PEX13: variants seen among roughly 807,000 people sequenced by gnomAD.
PEX13 encodes peroxisomal biogenesis factor 13, also known as peroxisome biogenesis factor 13.
In PEX13, 28 loss-of-function variants were observed where a neutral mutation model predicts 34.5. The observed-to-expected ratio is 0.81, with a 90% CI of 0.60 to 1.11. The LOEUF is 1.11. Ranked by LOEUF, PEX13 falls within the 50% of genes most tolerant of loss-of-function variation. The pLI, the probability that PEX13 is intolerant of heterozygous loss-of-function variation, is 0.00. For synonymous variants in PEX13, 177 were observed against 175.1 expected (o/e 1.01, Z -0.09); for missense variants, 550 against 491.0 (o/e 1.12, Z -1.13).
intron 3 of PEX13, among the ~76,000 whole-genome samples, chr2:61,047,031 G>C (rs1483073640): frequency 3.3e-5 from 5 of 151,814 alleles, no homozygotes; most frequent in Admixed American, 3.3e-4. Context: ...TGAGGCTGTA[G>C]TACATTGTAA....
chr2:61,050,159 T>A lies in PEX13; in HGVS notation c.*1389T>A, dbSNP rs1312469703. 2.6e-5 allele frequency: 4 copies of A among 152,312 alleles called. No homozygotes were observed. Among genetic ancestry groups the A allele is most frequent in the African/African-American group, 7.2e-5 (3 of 41,418 alleles). 9.4% of individuals were successfully genotyped at this position (152,312 alleles called of 1,614,324 possible). ...GGGAGGCCAAGGCGGGCGGATCACC[T>A]GCGGTCAGGAGTTTGAGACCAGCCT... On this transcript the variant is annotated 3_prime_UTR_variant, in exon 4 of 4. Transcript: ENST00000295030.
intron 2 of PEX13, among the ~76,000 whole-genome samples, chr2:61,034,216 C>T (rs945646351): frequency 1.3e-5 from 2 of 152,126 alleles, no homozygotes; most frequent in African/African-American, 4.8e-5. Flanking sequence ...AGACTGGTCT[C>T]AAACTCCTGA....
rs150508024 is a variant in PEX13, at chr2:61,044,614, G to A, written c.788-1112G>A. Among the ~76,000 whole-genome samples the A allele has an allele frequency of 5.6e-3, 850 of 152,086 alleles. 7 individuals carry two copies. The highest frequency in any genetic ancestry group is 0.02 in the African/African-American group (810 of 41,474). ...TTGGTCAGGCTGGTCTCAAACTCCC[G>A]ACCTCAGGAGATCCACCCGCCTCGG... is the stretch of plus-strand genomic sequence containing the variant. On this transcript the variant is annotated intron_variant, in intron 2 of 3. Transcript: ENST00000295030.
intron 1 of PEX13, among the ~76,000 whole-genome samples, chr2:61,029,843 AC>A: frequency 6.6e-6 from 1 of 152,118 alleles, no homozygotes; most frequent in South Asian, 2.1e-4. Flanking sequence ...AAAAAAAAAA[AC>A]TGCATCTGTA....
intron 1 of PEX13, among the ~76,000 whole-genome samples, chr2:61,029,531 CAAG>C (rs1347286205): frequency 2.0e-5 from 3 of 151,990 alleles, no homozygotes; most frequent in Non-Finnish European, 4.4e-5. Flanking sequence ...TTGTAATAGC[CAAG>C]AAGTAAAAAC....
chr2:61,022,664 T>G (rs560770030), intron 1 of PEX13, among the ~76,000 whole-genome samples: 1 of 152,284 alleles, frequency 6.6e-6, no homozygotes, highest in South Asian at 2.1e-4. Context: ...AGGCCAGAAG[T>G]TCAAGACTAG....
chr2:61,029,074 G>A (rs1180427978), intron 1 of PEX13, among the ~76,000 whole-genome samples: 4 of 150,800 alleles, frequency 2.7e-5, no homozygotes, highest in Non-Finnish European at 5.9e-5. Flanking sequence ...TGAGGCAGAA[G>A]GATTACTTGA....
Position 61,017,737 on chromosome 2 carries a change from GGAGCC to G in PEX13, c.-19_-15del. ...GCCTGGACAGTCAGGGGTAGGAGCG[GGAGCC>G]GAGAGGAGGCGGAGGAGATGGCGTC... On this transcript the variant is annotated 5_prime_UTR_variant, in exon 1 of 4. Transcript: ENST00000295030. 6.5e-7 allele frequency: 1 copy of G among 1,544,190 alleles called. No individual in the cohort carries two copies. Among genetic ancestry groups the G allele is most frequent in the Non-Finnish European group, 8.8e-7 (1 of 1,142,524 alleles).
chr2:61,030,616 A>G (rs1179269555), intron 1 of PEX13, among the ~76,000 whole-genome samples: 1 of 152,214 alleles, frequency 6.6e-6, no homozygotes, highest in Non-Finnish European at 1.5e-5. Flanking sequence ...GCTGTTGGCC[A>G]TGAGTTGTTA....
Position 61,031,837 on chromosome 2 carries a change from T to C in PEX13, c.511T>C (p.Leu171=). Residue 171 remains leucine (L), a synonymous_variant, in exon 2 of 4, where the codon TTG becomes CTG. Transcript: ENST00000295030. The stretch of plus-strand genomic sequence containing the variant: ...GGATGTAGCAAATCACTTTTCCCGA[T>C]TGAAAATACACTTTACAAAAGTGTT... The part of the protein sequence containing the change: ...VLDVANHFSR[L]KIHFTKVFSA... 1.9e-6 allele frequency: 3 copies of C among 1,613,558 alleles called. No individual in the cohort carries two copies. Among genetic ancestry groups the C allele is most frequent in the African/African-American group, 2.7e-5 (2 of 75,058 alleles).
At chr2:61,018,328 G>A (rs886313830) in intron 1 of PEX13, 1 of 1,533,064 alleles carries the variant, frequency 6.5e-7, no homozygotes, top group Non-Finnish European at 8.8e-7. Context: ...CTCAAGCCCC[G>A]TACACTTTGC....
At chr2:61,040,223 G>A (rs1301429855) in intron 2 of PEX13, among the ~76,000 whole-genome samples, 1 of 152,036 alleles carries the variant, frequency 6.6e-6, no homozygotes, top group Non-Finnish European at 1.5e-5. Context: ...TTGACCCAGT[G>A]ATCCCTTACT....
At chr2:61,035,162 T>C (rs1018697688) in intron 2 of PEX13, among the ~76,000 whole-genome samples, 1 of 152,200 alleles carries the variant, frequency 6.6e-6, no homozygotes, top group African/African-American at 2.4e-5. Context: ...CAGCCTCTGC[T>C]GGTGATACCC....
chr2:61,040,760 TAC>T (rs1273372086), intron 2 of PEX13, among the ~76,000 whole-genome samples: 1 of 147,974 alleles, frequency 6.8e-6, no homozygotes, highest in Non-Finnish European at 1.5e-5. Flanking sequence ...TATAGGTATA[TAC>T]ATATATATAT....
intron 2 of PEX13, among the ~76,000 whole-genome samples, chr2:61,035,763 C>T (rs931820420): frequency 2.6e-5 from 4 of 152,170 alleles, no homozygotes; most frequent in African/African-American, 4.8e-5. Context: ...GCGGGCGGAT[C>T]ACCTGAGGTC....
chr2:61,044,781 G>T (rs1470061941), intron 2 of PEX13, among the ~76,000 whole-genome samples: 1 of 152,156 alleles, frequency 6.6e-6, no homozygotes, highest in African/African-American at 2.4e-5. Context: ...ACCTAATACA[G>T]TTTGACTCAC....
intron 1 of PEX13, among the ~76,000 whole-genome samples, chr2:61,029,134 G>C (rs981683388): frequency 2.4e-5 from 1 of 42,428 alleles, no homozygotes; most frequent in Non-Finnish European, 4.3e-5. Context: ...GGGAGACCCT[G>C]TCTCCAAAAA....
intron 1 of PEX13, chr2:61,018,328 G>T: frequency 6.5e-7 from 1 of 1,533,064 alleles, no homozygotes; most frequent in Non-Finnish European, 8.8e-7. Flanking sequence ...CTCAAGCCCC[G>T]TACACTTTGC....
chr2:61,024,232 T>C (rs944222974), intron 1 of PEX13, among the ~76,000 whole-genome samples: 3 of 152,230 alleles, frequency 2.0e-5, no homozygotes, highest in African/African-American at 7.2e-5. Context: ...CTTTGTATTA[T>C]CCTGGGTGGA....
Sources: allele counts gnomAD v4.1 joint callset (sites outside exome capture counted in the v4.1 genomes callset), GRCh38; gene constraint gnomAD v4.1.1; transcripts MANE v1.5; gene names NCBI Gene and HGNC (gene_info 2026-07-23, HGNC 2026-07-21).